Variants in WNK4 observed in about 807,000 individuals in gnomAD.
WNK4 encodes the protein serine/threonine-protein kinase WNK4.
Under a neutral mutation model 116.2 loss-of-function variants are expected in WNK4, and 94 were observed. The ratio of observed to expected loss-of-function variants is 0.81; its 90% CI spans 0.68 to 0.96. WNK4 has a LOEUF of 0.96. Among genes scored for constraint, WNK4 ranks in the 40% least tolerant of loss-of-function variants. The probability of loss-of-function intolerance (pLI) is 0.00; values close to 1 mark genes in which losing one functional copy is unlikely to be tolerated. For missense variants in WNK4, 1,542 were observed against 1,650.6 expected (o/e 0.93, Z 1.14); for synonymous variants, 655 against 672.7 (o/e 0.97, Z 0.41).
chr17:42,794,479 T>C (rs2054639783), intron 12 of WNK4, 135 bp from the exon 13 acceptor site: 2 of 919,536 alleles, frequency 2.2e-6, no homozygotes, highest in Non-Finnish European at 3.4e-6. Flanking sequence ...TCAGCACATA[T>C]GCTTCTGAAT....
intron 1 of WNK4, among the ~76,000 whole-genome samples, 172 bp downstream of exon 1, chr17:42,781,488 CAGA>C (rs1215201152): frequency 6.6e-6 from 1 of 152,200 alleles, no homozygotes; most frequent in Non-Finnish European, 1.5e-5. Context: ...CTCTGGGCTG[CAGA>C]AGGAGAGATT....
At position 42,784,194 on chromosome 17, in the gene WNK4, T is replaced by C. The variant is rs1036678369; in HGVS notation, c.1012+37T>C. ...CAGGAGGGTCCATGCCATTCCTTCC[T>C]CCCCCACCTCAGAAGAGAACCTGGG... is the stretch of plus-strand genomic sequence containing the variant. On this transcript the variant is annotated intron_variant, in intron 3 of 18. Coordinates refer to ENST00000246914, the MANE Select transcript of WNK4 (RefSeq NM_032387.5). This position sits in a 1 kb window ranked among gnomAD's most constrained non-coding sequence, Gnocchi z 4.4. The C allele has an allele frequency of 6.2e-7, 1 of 1,601,000 alleles. No homozygotes were observed. Among genetic ancestry groups the C allele is most frequent in the African/African-American group, 1.3e-5 (1 of 74,744 alleles).
At chr17:42,788,882 G>A in intron 11 of WNK4, 85 bp downstream of exon 11, 1 of 1,075,436 alleles carries the variant, frequency 9.3e-7, no homozygotes, top group Non-Finnish European at 1.4e-6. Context: ...GAAACCCACT[G>A]ATCCGACAGC....
At position 42,780,846 on chromosome 17, in the gene WNK4, G is replaced by A. The variant is rs529976001; in HGVS notation, c.148G>A (p.Ala50Thr). The A allele has an allele frequency of 1.7e-5, 28 of 1,602,182 alleles. No homozygotes were observed. In the African/African-American group the frequency reaches 2.8e-4, roughly 16 times the overall value. ...PRRARRFSGKAEPRPRSSRLS... is the reference protein window; with the variant it reads ...PRRARRFSGKTEPRPRSSRLS... ...CCGAGCGCGCCGCTTCTCCGGGAAG[G>A]CTGAGCCCCGGCCGCGCTCTTCTCG... Residue 50 changes from alanine to threonine, a missense_variant, in exon 1 of 19, where the codon GCT becomes ACT. Ala to Thr is a moderately conservative substitution (Grantham distance 58). Around this residue, in one of 7 missense-constraint regions of WNK4, gnomAD observed 243 missense variants for 217.8 expected, o/e 1.12. Transcript: ENST00000246914.
At position 42,793,781 on chromosome 17, in the gene WNK4, G is replaced by A. The variant is rs753393420; in HGVS notation, c.2295+52G>A. The A allele has an allele frequency of 4.3e-6, 7 of 1,609,892 alleles. No homozygotes were observed. The Admixed American group carries it at 5.0e-5, about 12-fold the overall frequency. On this transcript the variant is annotated intron_variant, in intron 12 of 18. Transcript: ENST00000246914. The stretch of plus-strand genomic sequence containing the variant: ...GGGGAAATGGACTCTCTGCTCCAGG[G>A]TTTATTACTCTCTGCCCTCAGCGGT...
intron 2 of WNK4, chr17:42,783,620 C>T: frequency 2.3e-6 from 1 of 441,442 alleles, no homozygotes. Context: ...ATTCAAGATG[C>T]AACACAAAAG....
intron 8 of WNK4, 93 bp downstream of exon 8, chr17:42,787,992 G>T: frequency 1.3e-6 from 2 of 1,598,608 alleles, no homozygotes; most frequent in Non-Finnish European, 1.7e-6. Flanking sequence ...CCAGTCCCAT[G>T]TCCCTGGAAA....
Position 42,780,645 on chromosome 17 carries a change from C to T in WNK4, c.-54C>T. 6.3e-7 allele frequency: 1 copy of T among 1,595,586 alleles called. No individual in the cohort carries two copies. Among genetic ancestry groups the T allele is most frequent in the Non-Finnish European group, 8.5e-7 (1 of 1,177,958 alleles). On this transcript the variant is annotated 5_prime_UTR_variant, in exon 1 of 19. Coordinates refer to ENST00000246914, the MANE Select transcript of WNK4 (RefSeq NM_032387.5). ...GCACCCAGCGAGTCCGTCTGTCAGG[C>T]CGCCTCCTCTCCGGCCGTCTGATTT...
chr17:42,787,288 G>A lies in WNK4; in HGVS notation c.1487G>A (p.Gly496Asp). Residue 496 changes from glycine (G) to aspartate (D), a missense_variant, in exon 7 of 19, where the codon GGC (glycine) becomes GAC (aspartate). Transcript: ENST00000246914. ...EEVAQEMVAL[G>D]LVCEADYQPV... ...CCACCCCAATTCCAGGTGGCTCTGG[G>A]CTTGGTCTGTGAAGCCGATTACCAG... The A allele has an allele frequency of 6.2e-7, 1 of 1,613,986 alleles. No homozygotes were observed. The highest frequency in any genetic ancestry group is 8.5e-7 in the Non-Finnish European group (1 of 1,180,036).
chr17:42,781,008 G>A lies in WNK4; in HGVS notation c.310G>A (p.Glu104Lys), dbSNP rs781737018. The part of the protein sequence containing the change: ...PARSPPPSSK[E>K]PPEGTWTEGA... ...GAGGAGCCCACCGCCTAGCTCCAAA[G>A]AACCCCCCGAGGGCACGTGGACCGA... The change falls in exon 1 of 19, where the codon GAA (glutamate) becomes AAA (lysine). Residue 104 changes from glutamate to lysine, a missense_variant. Transcript: ENST00000246914. 3 of 1,610,284 alleles carry A rather than the reference G, an allele frequency of 1.9e-6. No individual in the cohort carries two copies. In the Admixed American group the frequency reaches 5.0e-5, roughly 27 times the overall value.
chr17:42,794,701 A>C, intron 13 of WNK4, 33 bp downstream of exon 13: 1 of 1,612,960 alleles, frequency 6.2e-7, no homozygotes, highest in South Asian at 1.1e-5. Context: ...GCTCATCCCA[A>C]CCCCTGGGGT....
In WNK4 at chr17:42,788,159, C is replaced by T. The variant is rs750282035; in HGVS notation, c.1893C>T (p.Gly631=). The change falls in exon 9 of 19, where the codon GGC becomes GGT. Residue 631 remains glycine (G), a synonymous_variant. Transcript: ENST00000246914. The part of the protein sequence containing the change: ...SAFALSIPRS[G]PGSDFSPGDS... ...TTGCCCTATCCATTCCACGTTCTGG[C>T]CCTGGAAGTGACTTTTCCCCCGGGG... 2.5e-5 allele frequency: 40 copies of T among 1,614,090 alleles called. No individual in the cohort carries two copies. The highest frequency in any genetic ancestry group is 3.2e-5 in the Non-Finnish European group (38 of 1,180,060).
rs969549396 is a variant in WNK4, at chr17:42,782,232, G to A, written c.619-526G>A. ...GGAGGGAGAGGAGCCGGGGCGGGAC[G>A]ACTATGGGGGTGGGCAGCCTCCTGG... On this transcript the variant is annotated intron_variant, in intron 1 of 18. Transcript: ENST00000246914. This position sits in a 1 kb window ranked among gnomAD's most constrained non-coding sequence, Gnocchi z 4.2. Among the ~76,000 whole-genome samples the A allele has an allele frequency of 1.1e-4, 17 of 151,934 alleles. No homozygotes were observed. The highest frequency in any genetic ancestry group is 4.1e-4 in the South Asian group (2 of 4,824).
At chr17:42,792,729 A>G (rs992627859) in intron 11 of WNK4, among the ~76,000 whole-genome samples, 3 of 152,216 alleles carry the variant, frequency 2.0e-5, no homozygotes, top group Non-Finnish European at 4.4e-5. Flanking sequence ...TACCCAGCAC[A>G]ATGCCAGCAC....
Position 42,784,243 on chromosome 17 carries a change from CT to C in WNK4, c.1012+88del. The C allele has an allele frequency of 6.4e-7, 1 of 1,574,126 alleles. No individual in the cohort carries two copies. The highest frequency in any genetic ancestry group is 8.7e-7 in the Non-Finnish European group (1 of 1,152,462). ...GGGACTCCCTCCCCTCAGCAAGGGC[CT>C]TCAAGGTCCACAAAACTACCAGACG... On this transcript the variant is annotated intron_variant, in intron 3 of 18. Coordinates refer to ENST00000246914, the MANE Select transcript of WNK4 (RefSeq NM_032387.5). This position sits in a 1 kb window ranked among gnomAD's most constrained non-coding sequence, Gnocchi z 4.4.
chr17:42,785,045 G>T (rs2054529578), intron 4 of WNK4, 52 bp from the exon 5 acceptor site: 1 of 1,576,190 alleles, frequency 6.3e-7, no homozygotes, highest in Non-Finnish European at 8.6e-7. Context: ...GTGGTGTCAA[G>T]CCGAGAGCTG....
intron 10 of WNK4, 74 bp downstream of exon 10, chr17:42,788,481 G>T: frequency 6.7e-7 from 1 of 1,491,244 alleles, no homozygotes; most frequent in Non-Finnish European, 9.3e-7. Flanking sequence ...GGCGGGGGAG[G>T]TCACCCAGAA....
In WNK4 at chr17:42,795,789, G is replaced by C. The variant is rs755153601; in HGVS notation, c.3187G>C (p.Gly1063Arg). The change falls in exon 16 of 19, where the codon GGG becomes CGG. Residue 1063 changes from glycine to arginine, a missense_variant. Physicochemically the swap from Gly to Arg is moderately radical, Grantham distance 125 (BLOSUM62 -2). Transcript: ENST00000246914. ...AGATACAGAGGACAGTGCTGGAGGC[G>C]GGCCAGAGACCAGGGAAGCTCTGGC... ...SSDTEDSAGG[G>R]PETREALAES... The C allele has an allele frequency of 3.1e-6, 5 of 1,613,678 alleles. No individual in the cohort carries two copies. The Admixed American group carries it at 6.7e-5, about 22-fold the overall frequency.
chr17:42,795,434 C>A (rs1386014797), intron 14 of WNK4, 27 bp from the exon 15 acceptor site: 1 of 1,614,196 alleles, frequency 6.2e-7, no homozygotes, highest in Non-Finnish European at 8.5e-7. Flanking sequence ...CTGCACTCTT[C>A]CCTTCTCATG....
Sources: gnomAD v4.1 joint callset for allele counts (sites outside exome capture counted in the v4.1 genomes callset) on GRCh38, gnomAD v4.1.1 for gene constraint, gnomAD v4.1.1 regional missense constraint, Gnocchi (gnomAD v3.1) non-coding constraint, MANE v1.5 for transcripts, NCBI Gene and HGNC (gene_info 2026-07-23, HGNC 2026-07-21) for gene names.